Variants in CFAP91 observed in about 807,000 individuals in gnomAD.
CFAP91 encodes cilia and flagella associated protein 91.
Under a neutral mutation model 95.9 loss-of-function variants are expected in CFAP91, and 85 were observed. That is an observed-to-expected ratio of 0.89 (90% confidence interval 0.74 to 1.06). The LOEUF is 1.06. Among genes scored for constraint, CFAP91 ranks in the 50% least tolerant of loss-of-function variants. CFAP91 has a pLI of 0.00. For synonymous variants in CFAP91, 335 were observed against 327.5 expected (o/e 1.02, Z -0.25); for missense variants, 962 against 943.4 (o/e 1.02, Z -0.26).
intron 14 of CFAP91, 36 bp from the exon 15 acceptor site, chr3:119,747,079 T>A (rs201503557): frequency 8.3e-5 from 123 of 1,475,476 alleles, no homozygotes; most frequent in Middle Eastern, 3.6e-4. Flanking sequence ...TACAACAGCA[T>A]ACCTGTTTTA....
At chr3:119,733,691 G>A (rs139983221) in intron 10 of CFAP91, among the ~76,000 whole-genome samples, 185 bp downstream of exon 10, 1 of 152,170 alleles carries the variant, frequency 6.6e-6, no homozygotes, top group African/African-American at 2.4e-5. Context: ...CACATTTCAG[G>A]AGACTTCTTG....
At chr3:119,741,727 T>C (rs1278693544) in intron 13 of CFAP91, among the ~76,000 whole-genome samples, 1 of 152,216 alleles carries the variant, frequency 6.6e-6, no homozygotes, top group Non-Finnish European at 1.5e-5. Context: ...TACTTAAAGT[T>C]AATATGACCC....
At chr3:119,729,545 G>A (rs1273812693) in intron 7 of CFAP91, among the ~76,000 whole-genome samples, 1 of 151,780 alleles carries the variant, frequency 6.6e-6, no homozygotes, top group East Asian at 1.9e-4. Flanking sequence ...TCGGGAGGCT[G>A]ACCCATGAAA....
chr3:119,707,028 G>T, intron 2 of CFAP91, 143 bp downstream of exon 2: 2 of 663,514 alleles, frequency 3.0e-6, no homozygotes, highest in Non-Finnish European at 5.4e-6. Context: ...TTACTGGAGG[G>T]CAAAGCATCT....
chr3:119,743,913 C>T, intron 13 of CFAP91, 62 bp from the exon 14 acceptor site: 1 of 1,412,196 alleles, frequency 7.1e-7, no homozygotes, highest in Non-Finnish European at 9.6e-7. Flanking sequence ...TCCAGCACTT[C>T]TTCTAATAAT....
At chr3:119,758,216 A>G (rs1175377050) in intron 17 of CFAP91, among the ~76,000 whole-genome samples, 1 of 152,198 alleles carries the variant, frequency 6.6e-6, no homozygotes, top group African/African-American at 2.4e-5. Context: ...CACCATCCTC[A>G]GCTACTGTTA....
chr3:119,711,300 A>G (rs896136352), intron 5 of CFAP91, among the ~76,000 whole-genome samples: 2 of 152,200 alleles, frequency 1.3e-5, no homozygotes, highest in Admixed American at 1.3e-4. Context: ...CAGTTTATCC[A>G]GAAATAGCTG....
intron 9 of CFAP91, among the ~76,000 whole-genome samples, 163 bp from the exon 10 acceptor site, chr3:119,733,201 T>C (rs961832616): frequency 6.6e-6 from 1 of 152,258 alleles, no homozygotes; most frequent in African/African-American, 2.4e-5. Context: ...TATATGGAAA[T>C]GTGCTATTAC....
Position 119,707,534 on chromosome 3 carries a change from A to C in CFAP91, c.332A>C (p.His111Pro). ...SREWKGHKEKHREALRQLTTT... is the reference protein window; with the variant it reads ...SREWKGHKEKPREALRQLTTT... Reference sequence around the variant, plus strand: ...GAATGGAAGGGACATAAGGAGAAACACAGAGAAGCCCTCCGGCAGCTCACC... The same window carrying C: ...GAATGGAAGGGACATAAGGAGAAACCCAGAGAAGCCCTCCGGCAGCTCACC... The change falls in exon 3 of 18, where the codon CAC (histidine) becomes CCC (proline). Residue 111 changes from histidine to proline, a missense_variant. Physicochemically the swap from His to Pro is moderately conservative, Grantham distance 77. Transcript: ENST00000273390. 6.3e-7 allele frequency: 1 copy of C among 1,586,916 alleles called. No homozygotes were observed.
At chr3:119,725,778 T>G (rs1465809778) in intron 6 of CFAP91, among the ~76,000 whole-genome samples, 1 of 151,500 alleles carries the variant, frequency 6.6e-6, no homozygotes, top group Non-Finnish European at 1.5e-5. Context: ...AAAAAAAAAG[T>G]ATATATTTTT....
At chr3:119,721,086 C>CAA (rs140842843) in intron 6 of CFAP91, among the ~76,000 whole-genome samples, 22 of 151,968 alleles carry the variant, frequency 1.4e-4, no homozygotes, top group African/African-American at 4.8e-4. Context: ...AAGAAATATG[C>CAA]AAAAAAATTC....
At chr3:119,715,439 C>A in intron 5 of CFAP91, 123 bp from the exon 6 acceptor site, 2 of 830,102 alleles carry the variant, frequency 2.4e-6, no homozygotes, top group South Asian at 1.4e-5. Flanking sequence ...TGATTTTGTA[C>A]CTGTCAACAT....
intron 6 of CFAP91, among the ~76,000 whole-genome samples, chr3:119,719,377 GT>G (rs923284460): frequency 6.6e-6 from 1 of 151,158 alleles, no homozygotes; most frequent in African/African-American, 2.4e-5. Flanking sequence ...TATATGGGAT[GT>G]TTGTTTTTGT....
At chr3:119,761,823 A>G (rs1003015999) in intron 17 of CFAP91, among the ~76,000 whole-genome samples, 1 of 151,926 alleles carries the variant, frequency 6.6e-6, no homozygotes, top group Admixed American at 6.6e-5. Context: ...CAGATTCATT[A>G]TAGAACAAAT....
At chr3:119,738,974 T>C (rs1434149225) in intron 11 of CFAP91, among the ~76,000 whole-genome samples, 1 of 152,194 alleles carries the variant, frequency 6.6e-6, no homozygotes. Flanking sequence ...TGGAAAGGAA[T>C]ATAGGGAAAT....
intron 17 of CFAP91, 76 bp downstream of exon 17, chr3:119,751,174 C>A: frequency 7.0e-7 from 1 of 1,427,008 alleles, no homozygotes; most frequent in South Asian, 1.5e-5. Flanking sequence ...GTGCTGTGCT[C>A]AAACAATCAT....
chr3:119,735,294 G>A (rs2107891944), intron 10 of CFAP91, among the ~76,000 whole-genome samples: 1 of 151,906 alleles, frequency 6.6e-6, no homozygotes, highest in Middle Eastern at 3.4e-3. Flanking sequence ...TACTTTTTTA[G>A]GGTTTGTTTC....
chr3:119,723,027 A>G (rs747982664), intron 6 of CFAP91, among the ~76,000 whole-genome samples: 1 of 152,186 alleles, frequency 6.6e-6, no homozygotes, highest in Non-Finnish European at 1.5e-5. Context: ...CCCACTCTCA[A>G]TATAACTATG....
In CFAP91 at chr3:119,742,327, G is replaced by T. The variant is rs115260016; in HGVS notation, c.1680+1632G>T. On this transcript the variant is annotated intron_variant, in intron 13 of 17. Coordinates refer to ENST00000273390, the MANE Select transcript of CFAP91 (RefSeq NM_033364.4). ...CCTCATGTATAGATGCAGCAATGCTGGTCTGCCCCCTTCCCCCTTCTCTTA... is the reference window on the plus strand; with the variant it reads ...CCTCATGTATAGATGCAGCAATGCTTGTCTGCCCCCTTCCCCCTTCTCTTA... Among the ~76,000 whole-genome samples the T allele has an allele frequency of 5.7e-3, 863 of 152,262 alleles. 7 individuals are homozygous for T. Among genetic ancestry groups the T allele is most frequent in the African/African-American group, 0.019 (807 of 41,532 alleles).
Sources: gnomAD v4.1 joint callset for allele counts (sites outside exome capture counted in the v4.1 genomes callset) on GRCh38, gnomAD v4.1.1 for gene constraint, MANE v1.5 for transcripts, NCBI Gene and HGNC (gene_info 2026-07-23, HGNC 2026-07-21) for gene names.